Variants in COP1 observed in about 807,000 individuals in gnomAD.
The protein encoded by COP1 is COP1 E3 ubiquitin ligase.
Under a neutral mutation model 101.3 loss-of-function variants are expected in COP1, and 24 were observed. The observed-to-expected ratio is 0.24, with a 90% CI of 0.17 to 0.33. The LOEUF (loss-of-function observed/expected upper bound fraction) is 0.33, where lower values mean the gene tolerates loss of function less well. Ranked by LOEUF, COP1 falls within the 10% of genes least tolerant of loss-of-function variation. COP1 has a pLI of 1.00. For synonymous variants in COP1, 347 were observed against 341.9 expected, an observed-to-expected ratio of 1.01 and a Z score of -0.17; for missense variants, 663 against 906.2, an observed-to-expected ratio of 0.73 and a Z score of 3.45.
chr1:175,967,660 A>G (rs1652332537), intron 18 of COP1, among the ~76,000 whole-genome samples: 1 of 152,220 alleles, frequency 6.6e-6, no homozygotes, highest in African/African-American at 2.4e-5. Context: ...AATACTTAGC[A>G]GCAGCTTTCC....
intron 18 of COP1, 128 bp from the exon 19 acceptor site, chr1:175,947,367 AC>A: frequency 5.8e-6 from 4 of 685,774 alleles, no homozygotes; most frequent in Non-Finnish European, 5.1e-6. Context: ...ATATGAAGAT[AC>A]AATTTTTTTT....
Position 176,127,430 on chromosome 1 carries a change from T to C in COP1, c.968+7580A>G, listed in dbSNP as rs557582849. ...GTTCAACTTTTTTAGATTCCGCATG[T>C]AAGCAAGATCATACAATATCTGTCT... is the stretch of plus-strand genomic sequence containing the variant. On this transcript the variant is annotated intron_variant, in intron 8 of 19. Transcript: ENST00000367669. 5.3e-5 allele frequency among the ~76,000 whole-genome samples: 8 copies of C among 152,220 alleles called. No homozygotes were observed. The East Asian group carries it at 1.5e-3, about 29-fold the overall frequency.
chr1:176,026,649 G>A (rs992385373), intron 15 of COP1, among the ~76,000 whole-genome samples: 1 of 152,068 alleles, frequency 6.6e-6, no homozygotes, highest in Non-Finnish European at 1.5e-5. Flanking sequence ...AATTATGTCA[G>A]TAGCCCAGTG....
chr1:176,097,868 C>CAAAA (rs35822200), intron 9 of COP1, among the ~76,000 whole-genome samples: 6 of 79,330 alleles, frequency 7.6e-5, no homozygotes, highest in Non-Finnish European at 7.0e-5. Context: ...AACTCCATCT[C>CAAAA]AAAAAAAAAA....
intron 14 of COP1, among the ~76,000 whole-genome samples, chr1:176,036,716 T>C (rs1050810232): frequency 6.6e-6 from 1 of 152,212 alleles, no homozygotes; most frequent in East Asian, 1.9e-4. Context: ...TATTCTTACC[T>C]GTATTATTCA....
intron 18 of COP1, among the ~76,000 whole-genome samples, chr1:175,980,706 A>T (rs542688703): frequency 9.2e-5 from 14 of 152,162 alleles, no homozygotes; most frequent in African/African-American, 3.4e-4. Context: ...CTGAGGATAG[A>T]GTGTACTTTT....
At chr1:176,003,710 A>G (rs1284755141) in intron 15 of COP1, among the ~76,000 whole-genome samples, 1 of 151,912 alleles carries the variant, frequency 6.6e-6, no homozygotes, top group Non-Finnish European at 1.5e-5. Flanking sequence ...ATTGATCTAT[A>G]TTTCTGTTTT....
At chr1:175,985,477 A>G (rs1449235219) in intron 18 of COP1, among the ~76,000 whole-genome samples, 1 of 152,242 alleles carries the variant, frequency 6.6e-6, no homozygotes, top group East Asian at 1.9e-4. Context: ...TGCAATCGCT[A>G]TGAAGACTTA....
At chr1:176,120,375 A>G (rs572044409) in intron 8 of COP1, among the ~76,000 whole-genome samples, 37 of 151,564 alleles carry the variant, frequency 2.4e-4, no homozygotes, top group African/African-American at 8.5e-4. Context: ...AGCCGAGATC[A>G]CACCACTGCA....
intron 11 of COP1, among the ~76,000 whole-genome samples, chr1:176,073,431 A>G (rs912068672): frequency 6.6e-6 from 1 of 152,238 alleles, no homozygotes; most frequent in African/African-American, 2.4e-5. Context: ...CTAGTTGTAC[A>G]AAATTCAAAC....
At chr1:176,097,644 G>T (rs1682646439) in intron 9 of COP1, among the ~76,000 whole-genome samples, 1 of 152,000 alleles carries the variant, frequency 6.6e-6, no homozygotes, top group African/African-American at 2.4e-5. Flanking sequence ...TGAGGCAGGT[G>T]GATCACCTGA....
At chr1:176,085,964 G>C (rs1680056118) in intron 9 of COP1, 74 bp from the exon 10 acceptor site, 2 of 730,980 alleles carry the variant, frequency 2.7e-6, no homozygotes, top group Non-Finnish European at 4.5e-6. Context: ...TCAAATGTTT[G>C]AGCATTTACC....
intron 3 of COP1, among the ~76,000 whole-genome samples, chr1:176,175,636 A>C (rs915014984): frequency 1.3e-5 from 2 of 152,186 alleles, no homozygotes; most frequent in Admixed American, 6.5e-5. Flanking sequence ...CCCAGTTCCT[A>C]ATAGGCCACA....
intron 6 of COP1, among the ~76,000 whole-genome samples, chr1:176,138,798 T>C (rs1690194433): frequency 1.3e-5 from 2 of 152,098 alleles, no homozygotes; most frequent in Admixed American, 1.3e-4. Context: ...TCCCAGTTAT[T>C]CTCCACCATC....
chr1:176,134,544 T>C (rs1689491549), intron 8 of COP1, among the ~76,000 whole-genome samples: 1 of 151,876 alleles, frequency 6.6e-6, no homozygotes, highest in Admixed American at 6.6e-5. Flanking sequence ...TATAAGAAAA[T>C]ACCAAGGAAA....
chr1:176,205,265 C>A (rs1481547127), intron 1 of COP1, among the ~76,000 whole-genome samples: 1 of 152,136 alleles, frequency 6.6e-6, no homozygotes, highest in Non-Finnish European at 1.5e-5. Context: ...TCAGCCCCAA[C>A]CATAAACTGC....
intron 18 of COP1, among the ~76,000 whole-genome samples, chr1:175,961,272 G>C (rs1280661912): frequency 1.3e-5 from 2 of 152,172 alleles, no homozygotes; most frequent in Non-Finnish European, 2.9e-5. Flanking sequence ...TCCCTTTGGA[G>C]AACCCTGACT....
intron 15 of COP1, among the ~76,000 whole-genome samples, chr1:176,020,538 C>T (rs558814920): frequency 4.0e-5 from 6 of 151,850 alleles, no homozygotes; most frequent in African/African-American, 1.2e-4. Context: ...ATTAGCCAGG[C>T]GAGGTAGTGC....
chr1:176,184,523 G>A lies in COP1; in HGVS notation c.467+110C>T, dbSNP rs149625802. The A allele has an allele frequency of 5.6e-4, 443 of 795,790 alleles. 7 individuals are homozygous for A. In the East Asian group the frequency reaches 0.01, roughly 19 times the overall value. 49.3% of individuals were successfully genotyped at this position (795,790 alleles called of 1,614,324 possible). The stretch of plus-strand genomic sequence containing the variant: ...AAAGACATGTCAAGAAAAAAAATAT[G>A]ACTGTAACATAATCAAAGTTGGTTT... On this transcript the variant is annotated intron_variant, in intron 2 of 19. Transcript: ENST00000367669.
Sources: allele counts gnomAD v4.1 joint callset (sites outside exome capture counted in the v4.1 genomes callset), GRCh38; gene constraint gnomAD v4.1.1; transcripts MANE v1.5; gene names NCBI Gene and HGNC (gene_info 2026-07-23, HGNC 2026-07-21).